The following UBE2J1 variants were observed in gnomAD, a reference collection of about 807,000 sequenced individuals.
UBE2J1 encodes the protein ubiquitin conjugating enzyme E2 J1.
A neutral mutation model predicts 42.1 loss-of-function variants in UBE2J1; 17 were observed. That is an observed-to-expected ratio of 0.40 (90% confidence interval 0.28 to 0.61). UBE2J1 has a LOEUF of 0.61. Ranked by LOEUF, UBE2J1 falls within the 20% of genes least tolerant of loss-of-function variation. UBE2J1 has a pLI of 0.38. For missense variants in UBE2J1, 291 were observed against 389.4 expected, an observed-to-expected ratio of 0.75 and a Z score of 2.13; for synonymous variants, 127 against 137.2, an observed-to-expected ratio of 0.93 and a Z score of 0.52.
At chr6:89,334,282 C>T (rs771680756) in intron 6 of UBE2J1, among the ~76,000 whole-genome samples, 2 of 152,072 alleles carry the variant, frequency 1.3e-5, no homozygotes, top group South Asian at 2.1e-4. Context: ...GGATTACAGG[C>T]GTGAGCCACT....
chr6:89,351,180 G>A (rs1432166589), intron 1 of UBE2J1, among the ~76,000 whole-genome samples: 2 of 136,548 alleles, frequency 1.5e-5, no homozygotes, highest in Admixed American at 8.4e-5. Context: ...CCCGGGTCAA[G>A]CCATCCTCCT....
chr6:89,339,250 C>A (rs1430445601), intron 3 of UBE2J1, among the ~76,000 whole-genome samples: 5 of 149,762 alleles, frequency 3.3e-5, no homozygotes, highest in African/African-American at 1.2e-4. Context: ...CTTAGTGAGA[C>A]ACTGTCACCA....
Position 89,329,629 on chromosome 6 carries a change from G to T in UBE2J1, c.*50C>A, listed in dbSNP as rs1156599286. 2 of 1,580,014 alleles carry T rather than the reference G, an allele frequency of 1.3e-6. No homozygotes were observed. The highest frequency in any genetic ancestry group is 1.7e-6 in the Non-Finnish European group (2 of 1,152,218). ...CAATTCTTAGATTATACCCAATGCA[G>T]AATGTTTAATGAAGCAGTTGAGTCA... On this transcript the variant is annotated 3_prime_UTR_variant, in exon 8 of 8. Transcript: ENST00000435041.
Position 89,327,479 on chromosome 6 carries a change from C to T in UBE2J1, c.*2200G>A, listed in dbSNP as rs1767931563. On this transcript the variant is annotated 3_prime_UTR_variant, in exon 8 of 8. Coordinates refer to ENST00000435041, the MANE Select transcript of UBE2J1 (RefSeq NM_016021.3). ...CTCACACTGGGGATCAGATTGACAACTTAAGGATTTTTAGGGAGCATATGT... is the reference window on the plus strand; with the variant it reads ...CTCACACTGGGGATCAGATTGACAATTTAAGGATTTTTAGGGAGCATATGT... 6.6e-6 allele frequency: 1 copy of T among 152,044 alleles called. No homozygotes were observed. The highest frequency in any genetic ancestry group is 1.5e-5 in the Non-Finnish European group (1 of 68,006). The allele number at this position is 152,044 out of a possible 1,614,324, so 9.4% of individuals were successfully genotyped here.
At chr6:89,333,393 A>G (rs1768046402) in intron 6 of UBE2J1, among the ~76,000 whole-genome samples, 188 bp from the exon 7 acceptor site, 1 of 152,248 alleles carries the variant, frequency 6.6e-6, no homozygotes, top group East Asian at 1.9e-4. Context: ...GAAGAAGCAT[A>G]CACAACACCT....
Position 89,351,853 on chromosome 6 carries a change from G to C in UBE2J1, c.31+686C>G, listed in dbSNP as rs1258841048. Reference sequence around the variant, plus strand: ...AAGTAATTAGAGGCTAGGATTGCTGGGACTGCTTGTGTAAATATAAAGCAG... The same window carrying C: ...AAGTAATTAGAGGCTAGGATTGCTGCGACTGCTTGTGTAAATATAAAGCAG... On this transcript the variant is annotated intron_variant, in intron 1 of 7. Transcript: ENST00000435041. 2.0e-5 allele frequency among the ~76,000 whole-genome samples: 3 copies of C among 152,278 alleles called. No individual in the cohort carries two copies. In the East Asian group the frequency reaches 5.8e-4, roughly 29 times the overall value.
At chr6:89,338,855 C>T (rs1040053719) in intron 3 of UBE2J1, among the ~76,000 whole-genome samples, 29 of 151,724 alleles carry the variant, frequency 1.9e-4, no homozygotes, top group East Asian at 7.8e-4. Flanking sequence ...TTAGTAGAGA[C>T]GGGGTTTCAC....
chr6:89,342,601 G>C, intron 2 of UBE2J1, 146 bp from the exon 3 acceptor site: 1 of 655,794 alleles, frequency 1.5e-6, no homozygotes, highest in Non-Finnish European at 2.4e-6. Flanking sequence ...GATGTCTCGA[G>C]ACTATAAGTG....
chr6:89,329,903 C>G lies in UBE2J1; in HGVS notation c.733G>C (p.Ala245Pro). ...CGAGGGCTCATGGAGGTATTCTTAG[C>G]TACAGGTTGGGTAGGTTGATGAAAG... is the stretch of plus-strand genomic sequence containing the variant. ...ASFHQPTQPVAKNTSMSPRQR... is the reference protein window; with the variant it reads ...ASFHQPTQPVPKNTSMSPRQR... Residue 245 changes from alanine (A) to proline (P), a missense_variant, in exon 8 of 8, where the codon GCT becomes CCT. Transcript: ENST00000435041. 1 of 1,614,040 alleles carries G rather than the reference C, an allele frequency of 6.2e-7. No homozygotes were observed. The highest frequency in any genetic ancestry group is 8.5e-7 in the Non-Finnish European group (1 of 1,179,982).
At chr6:89,337,413 C>T (rs1453460438) in intron 5 of UBE2J1, among the ~76,000 whole-genome samples, 1 of 151,996 alleles carries the variant, frequency 6.6e-6, no homozygotes, top group Non-Finnish European at 1.5e-5. Context: ...AGAAAAGTTG[C>T]TTATAAGACC....
At chr6:89,337,029 T>C (rs1768119968) in intron 5 of UBE2J1, among the ~76,000 whole-genome samples, 1 of 151,994 alleles carries the variant, frequency 6.6e-6, no homozygotes, top group Admixed American at 6.6e-5. Flanking sequence ...TTTGTAGAGC[T>C]GCAGTTTCGC....
chr6:89,352,043 C>G (rs1768492837), intron 1 of UBE2J1, among the ~76,000 whole-genome samples: 1 of 152,146 alleles, frequency 6.6e-6, no homozygotes, highest in Admixed American at 6.5e-5. Flanking sequence ...GGTTTAGTTA[C>G]AGAACATTTC....
intron 7 of UBE2J1, 88 bp from the exon 8 acceptor site, chr6:89,330,045 A>G: frequency 7.6e-7 from 1 of 1,309,602 alleles, no homozygotes; most frequent in South Asian, 1.2e-5. Context: ...ACAATCTCAG[A>G]GGACAACATA....
intron 1 of UBE2J1, among the ~76,000 whole-genome samples, chr6:89,346,085 C>T (rs1340839245): frequency 6.6e-6 from 1 of 152,006 alleles, no homozygotes; most frequent in Non-Finnish European, 1.5e-5. Context: ...GAGCTGGGGT[C>T]CCCCTGTCTT....
intron 1 of UBE2J1, among the ~76,000 whole-genome samples, chr6:89,347,413 T>C (rs1020840373): frequency 6.6e-6 from 1 of 152,388 alleles, no homozygotes; most frequent in East Asian, 1.9e-4. Flanking sequence ...TGTCATTCTA[T>C]ACCCTTATCG....
At chr6:89,337,706 CT>C (rs1768137381) in intron 5 of UBE2J1, among the ~76,000 whole-genome samples, 1 of 152,148 alleles carries the variant, frequency 6.6e-6, no homozygotes, top group African/African-American at 2.4e-5. Flanking sequence ...GGCATCACTT[CT>C]CTGTTTGTGA....
chr6:89,335,876 A>C (rs896661520), intron 5 of UBE2J1, among the ~76,000 whole-genome samples: 6 of 152,026 alleles, frequency 3.9e-5, no homozygotes, highest in African/African-American at 7.3e-5. Flanking sequence ...GGAAAAAAAA[A>C]CCCCTCACAA....
At chr6:89,344,701 T>C (rs570814298) in intron 1 of UBE2J1, among the ~76,000 whole-genome samples, 1 of 152,368 alleles carries the variant, frequency 6.6e-6, no homozygotes, top group East Asian at 1.9e-4. Flanking sequence ...ATTTCTCTAG[T>C]AGGCCTTCCA....
At chr6:89,348,075 G>T (rs1407301811) in intron 1 of UBE2J1, among the ~76,000 whole-genome samples, 3 of 152,132 alleles carry the variant, frequency 2.0e-5, no homozygotes, top group Admixed American at 2.0e-4. Context: ...CTGGCAACCG[G>T]GCTACAGCAT....
Sources: gnomAD v4.1 joint callset for allele counts (sites outside exome capture counted in the v4.1 genomes callset) on GRCh38, gnomAD v4.1.1 for gene constraint, MANE v1.5 for transcripts, NCBI Gene and HGNC (gene_info 2026-07-23, HGNC 2026-07-21) for gene names.